The following TNFAIP8 variants were observed in gnomAD, a reference collection of about 807,000 sequenced individuals.
The protein encoded by TNFAIP8 is tumor necrosis factor alpha-induced protein 8.
A neutral mutation model predicts 13.3 loss-of-function variants in TNFAIP8; 7 were observed. The ratio of observed to expected loss-of-function variants is 0.52; its 90% confidence interval spans 0.30 to 0.99. The LOEUF (loss-of-function observed/expected upper bound fraction) is 0.99. Among genes scored for constraint, TNFAIP8 ranks in the 50% least tolerant of loss-of-function variants. The pLI is 0.07. For missense variants in TNFAIP8, 258 were observed against 236.9 expected, an observed-to-expected ratio of 1.09 and a Z score of -0.58; for synonymous variants, 94 against 87.6, an observed-to-expected ratio of 1.07 and a Z score of -0.41.
intron 1 of TNFAIP8, among the ~76,000 whole-genome samples, chr5:119,274,182 C>T (rs1042637464): frequency 1.7e-4 from 26 of 151,908 alleles, no homozygotes; most frequent in Non-Finnish European, 4.4e-5. Flanking sequence ...CACACACATG[C>T]AGACACGAAA....
chr5:119,395,873 T>C lies in TNFAIP8; in HGVS notation c.*2492T>C, dbSNP rs1421158889. 1 of 152,190 alleles carries C rather than the reference T, an allele frequency of 6.6e-6. No homozygotes were observed. The highest frequency in any genetic ancestry group is 1.5e-5 in the Non-Finnish European group (1 of 68,046). 9.4% of individuals were successfully genotyped at this position (152,190 alleles called of 1,614,324 possible). A position where few individuals can be genotyped will look rare whatever the true frequency, so the allele number is the denominator to read the frequency against. ...CTATGAACCTTTTTATAAAATAGTA[T>C]CTGTTCACGTTTTGAAAAAAATTGT... On this transcript the variant is annotated 3_prime_UTR_variant, in exon 2 of 2. Coordinates refer to ENST00000504771, the MANE Select transcript of TNFAIP8 (RefSeq NM_014350.4).
chr5:119,320,954 T>C (rs759792918), intron 1 of TNFAIP8, among the ~76,000 whole-genome samples: 5 of 152,020 alleles, frequency 3.3e-5, no homozygotes, highest in Non-Finnish European at 5.9e-5. Context: ...CGGTGGCTCA[T>C]GCCTGTAATC....
intron 1 of TNFAIP8, among the ~76,000 whole-genome samples, chr5:119,278,140 A>G (rs1748513407): frequency 6.6e-6 from 1 of 152,208 alleles, no homozygotes; most frequent in African/African-American, 2.4e-5. Flanking sequence ...TAGTAAAGAC[A>G]TTAAATTGTC....
At chr5:119,322,776 T>C (rs7704326) in intron 1 of TNFAIP8, among the ~76,000 whole-genome samples, 17,064 of 152,190 alleles carry the variant, frequency 0.11, 2,879 homozygotes, top group African/African-American at 0.37. Context: ...TCCCTGGTGA[T>C]CCCGCCCATT....
chr5:119,390,765 C>T (rs1300088256), intron 1 of TNFAIP8, among the ~76,000 whole-genome samples: 2 of 152,128 alleles, frequency 1.3e-5, no homozygotes, highest in Non-Finnish European at 2.9e-5. Context: ...ATACCACGAA[C>T]TACTTTGGTC....
At chr5:119,385,684 C>G (rs1580448207) in intron 1 of TNFAIP8, among the ~76,000 whole-genome samples, 1 of 152,082 alleles carries the variant, frequency 6.6e-6, no homozygotes, top group African/African-American at 2.4e-5. Context: ...GATGTAACTC[C>G]TTATTAGCTG....
At chr5:119,272,796 G>GT (rs1484284174) in intron 1 of TNFAIP8, among the ~76,000 whole-genome samples, 6 of 152,322 alleles carry the variant, frequency 3.9e-5, no homozygotes, top group Admixed American at 3.3e-4. Flanking sequence ...TGCCAAAAAG[G>GT]TTGTTTTCCT....
At chr5:119,276,808 T>A (rs1748466729) in intron 1 of TNFAIP8, among the ~76,000 whole-genome samples, 1 of 152,206 alleles carries the variant, frequency 6.6e-6, no homozygotes, top group African/African-American at 2.4e-5. Context: ...AGGGTTTCAG[T>A]ATATGAATTT....
intron 1 of TNFAIP8, among the ~76,000 whole-genome samples, chr5:119,310,013 C>A (rs772054104): frequency 6.6e-6 from 1 of 152,208 alleles, no homozygotes; most frequent in Non-Finnish European, 1.5e-5. Flanking sequence ...ACATCTGGCA[C>A]ATTGTCACTT....
chr5:119,344,299 G>T (rs2112737600), intron 1 of TNFAIP8, among the ~76,000 whole-genome samples: 1 of 152,244 alleles, frequency 6.6e-6, no homozygotes, highest in East Asian at 1.9e-4. Flanking sequence ...GGAGGTACCA[G>T]GCTCTTTTAA....
At chr5:119,291,039 T>C (rs1748969816) in intron 1 of TNFAIP8, among the ~76,000 whole-genome samples, 1 of 152,226 alleles carries the variant, frequency 6.6e-6, no homozygotes. Context: ...ATTTTAGCTT[T>C]AGTTTGTGTA....
chr5:119,287,152 C>T (rs1436577057), intron 1 of TNFAIP8, among the ~76,000 whole-genome samples: 2 of 152,132 alleles, frequency 1.3e-5, no homozygotes, highest in Non-Finnish European at 2.9e-5. Context: ...GTCATCTCTT[C>T]CTCTTAAGGT....
intron 1 of TNFAIP8, among the ~76,000 whole-genome samples, chr5:119,321,172 G>A (rs944889717): frequency 2.6e-5 from 4 of 152,092 alleles, no homozygotes; most frequent in Non-Finnish European, 5.9e-5. Flanking sequence ...AGCCGAGATC[G>A]AGCCACTGCA....
At chr5:119,320,200 C>T (rs189756658) in intron 1 of TNFAIP8, among the ~76,000 whole-genome samples, 42 of 152,130 alleles carry the variant, frequency 2.8e-4, no homozygotes, top group African/African-American at 3.4e-4. Flanking sequence ...TTACATCTCC[C>T]GGAAAATGAA....
chr5:119,331,985 G>C (rs746879772), intron 1 of TNFAIP8, among the ~76,000 whole-genome samples: 3 of 152,112 alleles, frequency 2.0e-5, no homozygotes, highest in Admixed American at 6.5e-5. Context: ...TTGACCCTTA[G>C]TCCCTGATGT....
intron 1 of TNFAIP8, among the ~76,000 whole-genome samples, chr5:119,294,256 C>T (rs1749092618): frequency 7.0e-6 from 1 of 143,640 alleles, no homozygotes; most frequent in Non-Finnish European, 1.5e-5. Context: ...TCCATGTGTT[C>T]TCATTGTTCA....
Position 119,279,986 on chromosome 5 carries a change from A to T in TNFAIP8, c.1+11079A>T, listed in dbSNP as rs78275582. ...ACCTAGCACTGAGAGACACGTTGCA[A>T]TTTTTTCCGTCAGTTGGCTACTGTG... On this transcript the variant is annotated intron_variant, in intron 1 of 1. Transcript: ENST00000274456. Among the ~76,000 whole-genome samples, 4 of 151,946 alleles carry T rather than the reference A, an allele frequency of 2.6e-5. No homozygotes were observed. In the East Asian group the frequency reaches 5.8e-4, roughly 22 times the overall value.
At chr5:119,363,885 T>C (rs946088955) in intron 1 of TNFAIP8, among the ~76,000 whole-genome samples, 18 of 152,206 alleles carry the variant, frequency 1.2e-4, no homozygotes, top group African/African-American at 4.1e-4. Context: ...GGGATTTGCA[T>C]GACAGCCCCT....
intron 1 of TNFAIP8, among the ~76,000 whole-genome samples, chr5:119,385,646 A>T (rs1337397879): frequency 2.0e-5 from 3 of 152,230 alleles, no homozygotes; most frequent in African/African-American, 7.2e-5. Context: ...AATATGTTAT[A>T]TATTTTAAAT....
Sources: gnomAD v4.1 joint callset for allele counts (sites outside exome capture counted in the v4.1 genomes callset) on GRCh38, gnomAD v4.1.1 for gene constraint, MANE v1.5 for transcripts, NCBI Gene and HGNC (gene_info 2026-07-23, HGNC 2026-07-21) for gene names.